PIBF1: variants seen among roughly 807,000 people sequenced by gnomAD.
PIBF1 encodes progesterone-induced-blocking factor 1.
Under a neutral mutation model 112.5 loss-of-function variants are expected in PIBF1, and 90 were observed. That is an observed-to-expected ratio of 0.80 (90% confidence interval 0.67 to 0.95). The LOEUF is 0.95. Ranked by LOEUF, PIBF1 falls within the 40% of genes least tolerant of loss-of-function variation. The probability of loss-of-function intolerance (pLI) is 0.00; values close to 1 mark genes in which losing one functional copy is unlikely to be tolerated. For synonymous variants in PIBF1, 301 were observed against 288.6 expected (o/e 1.04, Z -0.44); for missense variants, 915 against 852.3 (o/e 1.07, Z -0.92).
Position 72,900,701 on chromosome 13 carries a change from T to C in PIBF1, c.1488+6752T>C, listed in dbSNP as rs554284479. ...GGCATTGGCTTAGGCAAGGATTCCA[T>C]GACCAGAAACCCAAAAGCAATTGCA... On this transcript the variant is annotated intron_variant, in intron 11 of 17. Coordinates refer to ENST00000326291, the MANE Select transcript of PIBF1 (RefSeq NM_006346.4). 6.6e-4 allele frequency among the ~76,000 whole-genome samples: 100 copies of C among 152,158 alleles called. 1 individual carries two copies. The highest frequency in any genetic ancestry group is 1.2e-3 in the Non-Finnish European group (84 of 68,022).
intron 10 of PIBF1, among the ~76,000 whole-genome samples, chr13:72,862,075 T>C (rs962169299): frequency 1.3e-5 from 2 of 152,026 alleles, no homozygotes; most frequent in African/African-American, 4.8e-5. Flanking sequence ...TCATCTTCAG[T>C]GTGCCAAGGG....
chr13:72,901,646 C>G (rs1266675530), intron 11 of PIBF1, among the ~76,000 whole-genome samples: 1 of 151,800 alleles, frequency 6.6e-6, no homozygotes, highest in African/African-American at 2.4e-5. Context: ...GATCATGCCA[C>G]TACACTCCAG....
At chr13:72,965,164 A>G in intron 14 of PIBF1, 110 bp from the exon 15 acceptor site, 1 of 958,932 alleles carries the variant, frequency 1.0e-6, no homozygotes. Context: ...AGCTTTTCAG[A>G]ATAATTCATG....
At chr13:72,924,381 T>A (rs1407290693) in intron 13 of PIBF1, among the ~76,000 whole-genome samples, 3 of 150,384 alleles carry the variant, frequency 2.0e-5, no homozygotes, top group Non-Finnish European at 4.4e-5. Flanking sequence ...GTATGGTTTC[T>A]AACAGTGTGT....
At chr13:72,829,850 A>C (rs907657215) in intron 8 of PIBF1, among the ~76,000 whole-genome samples, 1 of 152,242 alleles carries the variant, frequency 6.6e-6, no homozygotes, top group Non-Finnish European at 1.5e-5. Context: ...GTAGCATTGA[A>C]TGTATAAATT....
chr13:73,013,549 C>G (rs2044282778), intron 17 of PIBF1, among the ~76,000 whole-genome samples: 1 of 151,378 alleles, frequency 6.6e-6, no homozygotes, highest in Admixed American at 6.6e-5. Flanking sequence ...CTAGCCTGGG[C>G]AACATGGCAA....
At chr13:72,944,090 G>A (rs756330801) in intron 14 of PIBF1, among the ~76,000 whole-genome samples, 2 of 151,890 alleles carry the variant, frequency 1.3e-5, no homozygotes, top group Non-Finnish European at 2.9e-5. Context: ...TGTAAATCTG[G>A]CAATTTTTAA....
chr13:72,830,748 G>T (rs899089371), intron 8 of PIBF1, among the ~76,000 whole-genome samples: 1 of 152,082 alleles, frequency 6.6e-6, no homozygotes, highest in Non-Finnish European at 1.5e-5. Flanking sequence ...TTTTTGTTGT[G>T]TGTCTGCCAG....
At chr13:72,900,439 A>G (rs1332439812) in intron 11 of PIBF1, among the ~76,000 whole-genome samples, 1 of 152,206 alleles carries the variant, frequency 6.6e-6, no homozygotes, top group Non-Finnish European at 1.5e-5. Context: ...AGAACCAGAA[A>G]TAAACCCAAA....
intron 11 of PIBF1, among the ~76,000 whole-genome samples, chr13:72,905,471 C>G (rs1398434342): frequency 6.6e-6 from 1 of 151,902 alleles, no homozygotes; most frequent in East Asian, 1.9e-4. Context: ...AATTAAAGGG[C>G]CTCAGAAAAT....
At chr13:72,820,644 T>C (rs1453665291) in intron 5 of PIBF1, among the ~76,000 whole-genome samples, 1 of 151,416 alleles carries the variant, frequency 6.6e-6, no homozygotes, top group East Asian at 1.9e-4. Context: ...CTCATCTTTG[T>C]ATCTGTAGTG....
intron 2 of PIBF1, among the ~76,000 whole-genome samples, chr13:72,785,748 C>G (rs1450849276): frequency 6.6e-6 from 1 of 152,186 alleles, no homozygotes; most frequent in African/African-American, 2.4e-5. Context: ...CTGAGGTTAT[C>G]TCCCATTCAT....
chr13:72,871,340 C>G (rs188349172), intron 10 of PIBF1, among the ~76,000 whole-genome samples: 2 of 152,234 alleles, frequency 1.3e-5, no homozygotes, highest in African/African-American at 4.8e-5. Flanking sequence ...GAGTCTTGCT[C>G]TGTCGCCCAG....
intron 14 of PIBF1, among the ~76,000 whole-genome samples, chr13:72,933,681 T>C (rs754618640): frequency 6.6e-6 from 1 of 151,986 alleles, no homozygotes; most frequent in Non-Finnish European, 1.5e-5. Flanking sequence ...AAAGAAAGAA[T>C]TTCTAAATGT....
intron 12 of PIBF1, among the ~76,000 whole-genome samples, chr13:72,911,843 T>C (rs907477200): frequency 2.6e-5 from 4 of 152,052 alleles, no homozygotes; most frequent in African/African-American, 9.7e-5. Context: ...GAGATGTCCA[T>C]GTCCTGTTGG....
intron 14 of PIBF1, among the ~76,000 whole-genome samples, chr13:72,952,103 C>T (rs576821476): frequency 1.1e-3 from 165 of 144,992 alleles, no homozygotes; most frequent in Non-Finnish European, 1.9e-3. Flanking sequence ...GACACAATCG[C>T]GGCTCACTGC....
rs748602032 is a variant in PIBF1 at position 72,998,814 on chromosome 13, A to G, written c.2050-8A>G. The G allele has an allele frequency of 1.9e-6, 3 of 1,604,034 alleles. No individual in the cohort carries two copies. The highest frequency in any genetic ancestry group is 2.6e-6 in the Non-Finnish European group (3 of 1,173,500). On this transcript the variant is annotated splice_region_variant and splice_polypyrimidine_tract_variant and intron_variant, in intron 16 of 17. Coordinates refer to ENST00000326291, the MANE Select transcript of PIBF1 (RefSeq NM_006346.4). ...TTGCTACTTTCTTCTGTTTTCATAT[A>G]TCAACAGGAATTGGCAGCAATGAAA...
chr13:72,906,015 A>T (rs1214602116), intron 11 of PIBF1, among the ~76,000 whole-genome samples: 1 of 152,180 alleles, frequency 6.6e-6, no homozygotes, highest in Non-Finnish European at 1.5e-5. Context: ...ATCCTCAATA[A>T]ATACTTGATG....
intron 10 of PIBF1, among the ~76,000 whole-genome samples, chr13:72,891,316 C>G (rs909624394): frequency 6.6e-6 from 1 of 152,060 alleles, no homozygotes; most frequent in Non-Finnish European, 1.5e-5. Context: ...ATCAATATCA[C>G]ATTCTAAATT....
Sources: allele counts gnomAD v4.1 joint callset (sites outside exome capture counted in the v4.1 genomes callset), GRCh38; gene constraint gnomAD v4.1.1; transcripts MANE v1.5; gene names NCBI Gene and HGNC (gene_info 2026-07-23, HGNC 2026-07-21).